The following ARSB variants were observed in gnomAD, a reference collection of about 807,000 sequenced individuals.
The protein encoded by ARSB is N-acetylgalactosamine-4-sulfatase.
Under a neutral mutation model 50.9 loss-of-function variants are expected in ARSB, and 41 were observed. The ratio of observed to expected loss-of-function variants is 0.81; its 90% CI spans 0.63 to 1.04. The LOEUF is 1.04. ARSB is among the 50% of genes least tolerant of loss of function. The pLI is 0.00. For synonymous variants in ARSB, 269 were observed against 284.8 expected, an observed-to-expected ratio of 0.94 and a Z score of 0.56; for missense variants, 672 against 693.3, an observed-to-expected ratio of 0.97 and a Z score of 0.35.
intron 6 of ARSB, among the ~76,000 whole-genome samples, chr5:78,785,066 G>A (rs903821162): frequency 3.3e-5 from 5 of 152,142 alleles, no homozygotes; most frequent in Admixed American, 6.5e-5. Context: ...CCAAAGTGCT[G>A]GGATTACAGG....
At chr5:78,870,971 AG>A (rs1356912549) in intron 5 of ARSB, among the ~76,000 whole-genome samples, 1 of 152,068 alleles carries the variant, frequency 6.6e-6, no homozygotes, top group Non-Finnish European at 1.5e-5. Flanking sequence ...GCAAAGTCTC[AG>A]GATACAAAAT....
chr5:78,900,619 G>A (rs1001053552), intron 4 of ARSB, among the ~76,000 whole-genome samples: 2 of 152,100 alleles, frequency 1.3e-5, no homozygotes, highest in African/African-American at 4.8e-5. Context: ...CTGGGTTGTT[G>A]CTGGTGAAAA....
At chr5:78,816,240 C>T in intron 6 of ARSB, 1 of 1,562,012 alleles carries the variant, frequency 6.4e-7, no homozygotes, top group Non-Finnish European at 8.7e-7. Context: ...TCCTAAAGGG[C>T]AAGGACTGTC....
rs375141048 is a variant in ARSB at position 78,856,525 on chromosome 5, G to A, written c.1143-17099C>T. On this transcript the variant is annotated intron_variant, in intron 5 of 7. Coordinates refer to ENST00000264914, the MANE Select transcript of ARSB (RefSeq NM_000046.5). ...CAATGACACAATTTCTTCCACAAAG[G>A]TGTGTATACCAAAGTGGGTTGGAGA... Among the ~76,000 whole-genome samples, 18 of 152,314 alleles carry A rather than the reference G, an allele frequency of 1.2e-4. No individual in the cohort carries two copies. In the East Asian group the frequency reaches 1.5e-3, roughly 13 times the overall value.
intron 4 of ARSB, among the ~76,000 whole-genome samples, chr5:78,919,759 G>A (rs1749714735): frequency 6.6e-6 from 1 of 152,158 alleles, no homozygotes; most frequent in African/African-American, 2.4e-5. Flanking sequence ...CCAAAGTACA[G>A]GAGTGAGCTG....
chr5:78,872,982 G>A (rs1179255608), intron 5 of ARSB, among the ~76,000 whole-genome samples: 1 of 151,748 alleles, frequency 6.6e-6, no homozygotes, highest in African/African-American at 2.4e-5. Flanking sequence ...ATACATAAAC[G>A]TGAACAAAAC....
chr5:78,785,671 CAG>C (rs754793694), intron 6 of ARSB, among the ~76,000 whole-genome samples: 1 of 152,182 alleles, frequency 6.6e-6, no homozygotes, highest in Non-Finnish European at 1.5e-5. Context: ...AAGTATAAAA[CAG>C]GGTATGATAG....
intron 5 of ARSB, among the ~76,000 whole-genome samples, chr5:78,841,642 T>C (rs1400084245): frequency 2.6e-5 from 4 of 152,176 alleles, no homozygotes; most frequent in African/African-American, 9.7e-5. Flanking sequence ...TTAGGCACAA[T>C]TAAATAAAAA....
intron 6 of ARSB, among the ~76,000 whole-genome samples, chr5:78,824,863 T>C (rs1341025044): frequency 6.6e-6 from 1 of 152,298 alleles, no homozygotes; most frequent in Non-Finnish European, 1.5e-5. Flanking sequence ...GAAAAGAAGA[T>C]GGCTGGTTTA....
chr5:78,876,757 G>A (rs186833537), intron 5 of ARSB, among the ~76,000 whole-genome samples: 2 of 152,286 alleles, frequency 1.3e-5, no homozygotes, highest in Non-Finnish European at 2.9e-5. Context: ...AAAGACTGTG[G>A]ACCGGTACCC....
intron 6 of ARSB, among the ~76,000 whole-genome samples, chr5:78,832,110 T>C (rs1029739561): frequency 1.3e-5 from 2 of 151,764 alleles, no homozygotes; most frequent in Non-Finnish European, 2.9e-5. Flanking sequence ...TACTGCACTA[T>C]GAGGCAGCAA....
intron 4 of ARSB, among the ~76,000 whole-genome samples, chr5:78,933,237 T>C (rs1043396992): frequency 1.3e-5 from 2 of 152,206 alleles, no homozygotes; most frequent in African/African-American, 4.8e-5. Context: ...TATATACCCA[T>C]GGATTGAAGA....
chr5:78,851,946 T>TTG (rs978114945), intron 5 of ARSB, among the ~76,000 whole-genome samples: 3 of 152,142 alleles, frequency 2.0e-5, no homozygotes, highest in African/African-American at 7.2e-5. Context: ...TTTTGAGCCT[T>TTG]TGTGTGTCTC....
At chr5:78,985,377 T>C, upstream of ARSB, 1 of 956,148 alleles carries the variant, frequency 1.0e-6, no homozygotes, top group East Asian at 3.7e-5. Context: ...GGCCGTGGGC[T>C]TGCGAGGCCG....
rs771256910 is a variant in ARSB, at chr5:78,969,123, G to A, written c.382C>T (p.Leu128Phe). 1.9e-6 allele frequency: 3 copies of A among 1,614,036 alleles called. No individual in the cohort carries two copies. In the African/African-American group the frequency reaches 4.0e-5, roughly 22 times the overall value. The change falls in exon 2 of 8, where the codon CTC becomes TTC. Residue 128 changes from leucine (L) to phenylalanine (F), a missense_variant. Physicochemically the swap from Leu to Phe is conservative, Grantham distance 22. Coordinates refer to ENST00000264914, the MANE Select transcript of ARSB (RefSeq NM_000046.5). Reference protein sequence around the residue: ...QPSCVPLDEKLLPQLLKEAGY... With the variant: ...QPSCVPLDEKFLPQLLKEAGY... ...GCTTCTTTTAGGAGCTGGGGCAGGA[G>A]TTTTTCATCCAGAGGAACACAGCTG...
chr5:78,837,730 C>T (rs1478675001), intron 6 of ARSB, among the ~76,000 whole-genome samples: 4 of 152,012 alleles, frequency 2.6e-5, no homozygotes, highest in African/African-American at 7.2e-5. Context: ...TCTTGAAAAT[C>T]GGATGTATAT....
At chr5:78,847,748 T>C (rs1349154619) in intron 5 of ARSB, among the ~76,000 whole-genome samples, 1 of 152,182 alleles carries the variant, frequency 6.6e-6, no homozygotes, top group Non-Finnish European at 1.5e-5. Flanking sequence ...TTACTTATAA[T>C]TGGTCTATTC....
intron 6 of ARSB, among the ~76,000 whole-genome samples, chr5:78,797,779 T>C (rs867938385): frequency 2.0e-5 from 3 of 152,228 alleles, no homozygotes; most frequent in South Asian, 4.1e-4. Flanking sequence ...TGCCAAGTCC[T>C]GGACTCTCAA....
intron 1 of ARSB, among the ~76,000 whole-genome samples, chr5:78,976,236 G>A (rs1752655466): frequency 6.9e-6 from 1 of 145,918 alleles, no homozygotes; most frequent in East Asian, 2.0e-4. Flanking sequence ...ATATTTGAAG[G>A]TTTTGAATGT....
Sources: allele counts gnomAD v4.1 joint callset (sites outside exome capture counted in the v4.1 genomes callset), GRCh38; gene constraint gnomAD v4.1.1; transcripts MANE v1.5; gene names NCBI Gene and HGNC (gene_info 2026-07-23, HGNC 2026-07-21).